The following N4BP2 variants were observed in gnomAD, a reference collection of about 807,000 sequenced individuals.
The protein encoded by N4BP2 is NEDD4 binding protein 2.
In N4BP2, 91 loss-of-function variants were observed where a neutral mutation model predicts 152.8. The ratio of observed to expected loss-of-function variants is 0.60; its 90% CI spans 0.50 to 0.71. The LOEUF is 0.71. Ranked by LOEUF, N4BP2 falls within the 30% of genes least tolerant of loss-of-function variation. The probability of loss-of-function intolerance (pLI) is 0.00; values close to 1 mark genes in which losing one functional copy is unlikely to be tolerated. For missense variants in N4BP2, 1,923 were observed against 2,059.1 expected (o/e 0.93, Z 1.28); for synonymous variants, 646 against 705.3 (o/e 0.92, Z 1.33).
At chr4:40,101,395 G>A (rs950135586) in intron 3 of N4BP2, among the ~76,000 whole-genome samples, 11 of 151,992 alleles carry the variant, frequency 7.2e-5, no homozygotes, top group African/African-American at 2.4e-4. Context: ...CCTGACCTCA[G>A]GTGATCCACC....
At chr4:40,161,286 A>G (rs1378748176), downstream of N4BP2, among the ~76,000 whole-genome samples, 1 of 152,218 alleles carries the variant, frequency 6.6e-6, no homozygotes, top group Middle Eastern at 3.2e-3. Flanking sequence ...AGATCCAACA[A>G]CCAATTTACA....
At chr4:40,115,986 A>G (rs1224271040) in intron 7 of N4BP2, among the ~76,000 whole-genome samples, 2 of 152,152 alleles carry the variant, frequency 1.3e-5, no homozygotes, top group Non-Finnish European at 2.9e-5. Context: ...TTTGAAATGT[A>G]TACAAGCTTA....
chr4:40,178,893 T>C, the N4BP2 span, among the ~76,000 whole-genome samples: 15 of 152,266 alleles, frequency 9.9e-5, no homozygotes, highest in South Asian at 3.1e-3. Flanking sequence ...TAAACCTGGC[T>C]GAGTTTTTGC....
chr4:40,184,003 G>C, the N4BP2 span, among the ~76,000 whole-genome samples: 1 of 152,202 alleles, frequency 6.6e-6, no homozygotes, highest in Admixed American at 6.5e-5. Flanking sequence ...ACATTTCGTT[G>C]ATGAGGACTG....
At chr4:40,093,884 G>A (rs1460510257) in intron 2 of N4BP2, among the ~76,000 whole-genome samples, 17 of 152,092 alleles carry the variant, frequency 1.1e-4, no homozygotes, top group Admixed American at 1.1e-3. Flanking sequence ...ACAGGTGTGA[G>A]CCACCGCGCC....
chr4:40,102,161 G>C lies in N4BP2; in HGVS notation c.316G>C (p.Glu106Gln). The change falls in exon 4 of 18, where the codon GAG (glutamate) becomes CAG (glutamine). Residue 106 changes from glutamate to glutamine, a missense_variant. Glu to Gln is a conservative substitution (Grantham distance 29, BLOSUM62 2). Transcript: ENST00000261435. ...ATCTTCACAAAGTTTCGTTGCTTCT[G>C]AGAACCAAGTAGGTGCAGCAGAAAG... is the stretch of plus-strand genomic sequence containing the variant. ...ESSSQSFVAS[E>Q]NQVGAAESKI... 2 of 1,613,636 alleles carry C rather than the reference G, an allele frequency of 1.2e-6. No individual in the cohort carries two copies. Among genetic ancestry groups the C allele is most frequent in the Non-Finnish European group, 1.7e-6 (2 of 1,179,796 alleles).
chr4:40,146,097 A>G (rs1720491443), intron 16 of N4BP2, among the ~76,000 whole-genome samples: 1 of 152,076 alleles, frequency 6.6e-6, no homozygotes, highest in Admixed American at 6.6e-5. Flanking sequence ...CTGGAGGCGG[A>G]GGTTGCAGTG....
downstream of N4BP2, among the ~76,000 whole-genome samples, chr4:40,160,324 G>A (rs968729914): frequency 6.6e-6 from 1 of 152,184 alleles, no homozygotes; most frequent in Admixed American, 6.5e-5. Context: ...ATGGTTTGAC[G>A]TATTTTTCGA....
At chr4:40,136,060 G>T (rs550616965) in intron 13 of N4BP2, among the ~76,000 whole-genome samples, 1 of 152,154 alleles carries the variant, frequency 6.6e-6, no homozygotes, top group Non-Finnish European at 1.5e-5. Flanking sequence ...AGATAATATA[G>T]TATCACCGTC....
the N4BP2 span, among the ~76,000 whole-genome samples, chr4:40,165,372 C>G: frequency 2.6e-5 from 4 of 152,142 alleles, no homozygotes; most frequent in African/African-American, 9.7e-5. Context: ...CCTCAGTCTC[C>G]TGAGTAGCTA....
intron 2 of N4BP2, among the ~76,000 whole-genome samples, chr4:40,095,549 T>C (rs1715033051): frequency 6.6e-6 from 1 of 152,210 alleles, no homozygotes; most frequent in African/African-American, 2.4e-5. Context: ...GGCTGGTGGC[T>C]GCCATATTGA....
the N4BP2 span, among the ~76,000 whole-genome samples, chr4:40,174,738 G>A: frequency 6.6e-6 from 1 of 152,144 alleles, no homozygotes; most frequent in Non-Finnish European, 1.5e-5. Flanking sequence ...GGAGGCAGGG[G>A]TTGCAGTGAG....
intron 14 of N4BP2, among the ~76,000 whole-genome samples, chr4:40,141,670 C>T (rs1259550787): frequency 2.0e-5 from 3 of 152,160 alleles, no homozygotes; most frequent in Non-Finnish European, 4.4e-5. Context: ...ACGCTCCTCA[C>T]TTCCCAGACG....
In N4BP2 at chr4:40,088,072, C is replaced by G. The variant is rs73140151; in HGVS notation, c.-114-9155C>G. On this transcript the variant is annotated intron_variant, in intron 2 of 17. Coordinates refer to ENST00000261435, the MANE Select transcript of N4BP2 (RefSeq NM_018177.6). ...CACGCCCGGCTACGACTGGCTTTTA[C>G]TGAGCATAATACTCTGGAATTTCAT... Among the ~76,000 whole-genome samples the G allele has an allele frequency of 4.1e-3, 624 of 152,238 alleles. 8 individuals carry two copies. Among genetic ancestry groups the G allele is most frequent in the African/African-American group, 0.014 (595 of 41,536 alleles).
chr4:40,119,697 T>C (rs1371611421), intron 8 of N4BP2, among the ~76,000 whole-genome samples: 1 of 152,148 alleles, frequency 6.6e-6, no homozygotes, highest in Non-Finnish European at 1.5e-5. Context: ...AAAAAAAAGT[T>C]TGAGTGCTTC....
intron 16 of N4BP2, among the ~76,000 whole-genome samples, chr4:40,150,007 C>A (rs1720995429): frequency 6.6e-6 from 1 of 152,126 alleles, no homozygotes; most frequent in Non-Finnish European, 1.5e-5. Flanking sequence ...AGCCAAGGCC[C>A]ATCTCTAGTG....
At chr4:40,060,252 T>C (rs905776621) in intron 1 of N4BP2, among the ~76,000 whole-genome samples, 1 of 152,112 alleles carries the variant, frequency 6.6e-6, no homozygotes, top group Non-Finnish European at 1.5e-5. Context: ...CATACTTCAT[T>C]TATTTTTTTT....
At chr4:40,162,984 C>A (rs1296461590), downstream of N4BP2, among the ~76,000 whole-genome samples, 1 of 152,206 alleles carries the variant, frequency 6.6e-6, no homozygotes, top group Non-Finnish European at 1.5e-5. Flanking sequence ...AGTGTCCTTA[C>A]AACATGGTGG....
intron 11 of N4BP2, among the ~76,000 whole-genome samples, 160 bp downstream of exon 11, chr4:40,124,365 G>C (rs1040179635): frequency 8.6e-5 from 13 of 151,814 alleles, no homozygotes; most frequent in African/African-American, 3.1e-4. Context: ...TTTTTATTTA[G>C]AGATGGAGTC....
Sources: allele counts gnomAD v4.1 joint callset (sites outside exome capture counted in the v4.1 genomes callset), GRCh38; gene constraint gnomAD v4.1.1; transcripts MANE v1.5; gene names NCBI Gene and HGNC (gene_info 2026-07-23, HGNC 2026-07-21).